The following OPA1 variants were observed in gnomAD, a reference collection of about 807,000 sequenced individuals.
OPA1 encodes the protein OPA1 mitochondrial dynamin like GTPase.
In OPA1, 59 loss-of-function variants were observed where a neutral mutation model predicts 152.9. That is an observed-to-expected ratio of 0.39 (90% confidence interval 0.31 to 0.48). OPA1 has a LOEUF of 0.48. Ranked by LOEUF, OPA1 falls within the 20% of genes least tolerant of loss-of-function variation. OPA1 has a pLI of 0.96. For synonymous variants in OPA1, 400 were observed against 389.9 expected (o/e 1.03, Z -0.31); for missense variants, 1,008 against 1,216.8 (o/e 0.83, Z 2.55).
At chr3:193,665,412 A>G (rs566085692) in intron 27 of OPA1, among the ~76,000 whole-genome samples, 52 of 152,146 alleles carry the variant, frequency 3.4e-4, no homozygotes, top group Middle Eastern at 3.4e-3. Context: ...TGTGTGTAAC[A>G]TAACCATCCA....
chr3:193,661,621 T>A (rs1186220894), intron 25 of OPA1, among the ~76,000 whole-genome samples: 2 of 152,366 alleles, frequency 1.3e-5, no homozygotes, highest in Admixed American at 6.5e-5. Context: ...TGTGCTTTTG[T>A]GTTTCTTTTG....
At chr3:193,616,122 C>T (rs1004405881) in intron 3 of OPA1, among the ~76,000 whole-genome samples, 4 of 152,188 alleles carry the variant, frequency 2.6e-5, no homozygotes, top group African/African-American at 9.7e-5. Context: ...AGTAGTCCTT[C>T]CGACTCTGCC....
chr3:193,637,458 T>C (rs1733130558), intron 10 of OPA1, among the ~76,000 whole-genome samples, 177 bp downstream of exon 10: 1 of 151,770 alleles, frequency 6.6e-6, no homozygotes, highest in African/African-American at 2.4e-5. Context: ...ATTATTTGAC[T>C]ATTTTAGTTC....
chr3:193,646,003 A>G (rs986985665), intron 18 of OPA1, among the ~76,000 whole-genome samples: 3 of 152,340 alleles, frequency 2.0e-5, no homozygotes, highest in East Asian at 1.9e-4. Context: ...ACATGGTACA[A>G]TACATACTGG....
At chr3:193,676,624 C>T (rs1414715421) in intron 29 of OPA1, among the ~76,000 whole-genome samples, 1 of 152,122 alleles carries the variant, frequency 6.6e-6, no homozygotes, top group African/African-American at 2.4e-5. Flanking sequence ...ATGAGAAAAT[C>T]GAGACTCAAA....
intron 16 of OPA1, 36 bp downstream of exon 16, chr3:193,644,141 T>G: frequency 6.2e-7 from 1 of 1,610,836 alleles, no homozygotes; most frequent in Non-Finnish European, 8.5e-7. Context: ...AATAGATTCT[T>G]TGTAAAAGCT....
At chr3:193,604,809 A>G (rs1726978196) in intron 1 of OPA1, among the ~76,000 whole-genome samples, 1 of 148,418 alleles carries the variant, frequency 6.7e-6, no homozygotes, top group Non-Finnish European at 1.5e-5. Context: ...GTGGTGAGCC[A>G]GTATCACACC....
chr3:193,648,527 A>G, intron 20 of OPA1: 1 of 431,120 alleles, frequency 2.3e-6, no homozygotes, highest in East Asian at 4.7e-5. Flanking sequence ...ATTAATATGT[A>G]TTGATGCTTT....
chr3:193,682,750 G>A (rs1266934814), intron 29 of OPA1, among the ~76,000 whole-genome samples: 1 of 152,170 alleles, frequency 6.6e-6, no homozygotes, highest in Non-Finnish European at 1.5e-5. Context: ...CTCGAGACCT[G>A]CTCAGAAAAG....
chr3:193,648,150 T>C lies in OPA1; in HGVS notation c.1935+16T>C. ...ACTTGACCGGGTAATATTTGGATAC[T>C]CGTGTATTTTGTATATATCTTAATT... On this transcript the variant is annotated intron_variant, in intron 20 of 30. Coordinates refer to ENST00000361510, the MANE Select transcript of OPA1 (RefSeq NM_130837.3). 6.4e-7 allele frequency: 1 copy of C among 1,571,712 alleles called. No individual in the cohort carries two copies. Among genetic ancestry groups the C allele is most frequent in the South Asian group, 1.1e-5 (1 of 90,216 alleles).
chr3:193,643,312 A>T, intron 13 of OPA1, 61 bp from the exon 14 acceptor site: 1 of 1,395,006 alleles, frequency 7.2e-7, no homozygotes, highest in Non-Finnish European at 1.0e-6. Flanking sequence ...TCACCAAAAA[A>T]AATTCTTGAC....
At chr3:193,634,207 A>C (rs1001200474) in intron 8 of OPA1, among the ~76,000 whole-genome samples, 2 of 152,058 alleles carry the variant, frequency 1.3e-5, no homozygotes, top group African/African-American at 4.8e-5. Context: ...TAGAGAAGAA[A>C]TAAAAGCTGG....
chr3:193,613,301 C>A (rs1276257526), intron 1 of OPA1, among the ~76,000 whole-genome samples: 2 of 151,942 alleles, frequency 1.3e-5, no homozygotes, highest in Admixed American at 6.6e-5. Context: ...CACAAGAACA[C>A]AAATATAGAA....
intron 29 of OPA1, among the ~76,000 whole-genome samples, chr3:193,677,876 C>T (rs1719443102): frequency 6.6e-6 from 1 of 152,220 alleles, no homozygotes; most frequent in African/African-American, 2.4e-5. Flanking sequence ...TGCTGAGGGA[C>T]ATTTCATGGG....
At chr3:193,667,670 CAAAAAAAAAAA>C (rs35232250) in intron 29 of OPA1, among the ~76,000 whole-genome samples, 1 of 93,350 alleles carries the variant, frequency 1.1e-5, no homozygotes, top group African/African-American at 3.9e-5. Context: ...GATTCTGTCT[CAAAAAAAAAAA>C]AAAAAAAAAA....
At chr3:193,610,246 C>T (rs1394165555) in intron 1 of OPA1, among the ~76,000 whole-genome samples, 1 of 152,112 alleles carries the variant, frequency 6.6e-6, no homozygotes, top group East Asian at 1.9e-4. Context: ...GTTAGTTTTC[C>T]TTCTAACAGT....
chr3:193,647,190 A>AT lies in OPA1; in HGVS notation c.1870+16dup, dbSNP rs1577255626. Reference sequence around the variant, plus strand: ...GCTGATAGTTTCAAAGGTAAGTTGGATTTTTTAAAGAAGCAAGCAAATTAA... The same window carrying AT: ...GCTGATAGTTTCAAAGGTAAGTTGGATTTTTTTAAAGAAGCAAGCAAATTAA... On this transcript the variant is annotated intron_variant, in intron 19 of 30. Coordinates refer to ENST00000361510, the MANE Select transcript of OPA1 (RefSeq NM_130837.3). 4 of 1,582,142 alleles carry AT rather than the reference A, an allele frequency of 2.5e-6. No homozygotes were observed. Among genetic ancestry groups the AT allele is most frequent in the Non-Finnish European group, 2.6e-6 (3 of 1,153,004 alleles).
At chr3:193,664,798 T>G in intron 26 of OPA1, 82 bp from the exon 27 acceptor site, 1 of 809,380 alleles carries the variant, frequency 1.2e-6, no homozygotes, top group Non-Finnish European at 2.1e-6. Flanking sequence ...TTGGTAAATA[T>G]AATTTTTGTA....
Position 193,626,200 on chromosome 3 carries a change from A to G in OPA1, c.787A>G (p.Lys263Glu), listed in dbSNP as rs1273884391. The part of the protein sequence containing the change: ...YSTSYAQQKR[K>E]VSDKEKIDQL... ...CACGAGCTATGCCCAACAGAAGCGCAAGGTGATGGATGGTTTAAGGGGGCT... is the reference window on the plus strand; with the variant it reads ...CACGAGCTATGCCCAACAGAAGCGCGAGGTGATGGATGGTTTAAGGGGGCT... The change falls in exon 7 of 31, where the codon AAG becomes GAG. Residue 263 changes from lysine to glutamate, a missense_variant and splice_region_variant. By Grantham distance (56) the Lys-to-Glu change is moderately conservative. Transcript: ENST00000361510. 3.1e-6 allele frequency: 5 copies of G among 1,611,386 alleles called. No individual in the cohort carries two copies. The highest frequency in any genetic ancestry group is 4.2e-6 in the Non-Finnish European group (5 of 1,177,630).
Sources: allele counts gnomAD v4.1 joint callset (sites outside exome capture counted in the v4.1 genomes callset), GRCh38; gene constraint gnomAD v4.1.1; transcripts MANE v1.5; gene names NCBI Gene and HGNC (gene_info 2026-07-23, HGNC 2026-07-21).